Variants in COPS8 observed in about 807,000 individuals in gnomAD.
COPS8 encodes COP9 signalosome complex subunit 8.
In COPS8, 11 loss-of-function variants were observed where a neutral mutation model predicts 31.5. The observed-to-expected ratio is 0.35, with a 90% CI of 0.22 to 0.58. The LOEUF (loss-of-function observed/expected upper bound fraction) is 0.58, where lower values mean the gene tolerates loss of function less well. Among genes scored for constraint, COPS8 ranks in the 20% least tolerant of loss-of-function variants. COPS8 has a pLI of 0.83. For missense variants in COPS8, 215 were observed against 255.1 expected (o/e 0.84, Z 1.07); for synonymous variants, 81 against 89.3 (o/e 0.91, Z 0.52).
intron 1 of COPS8, chr2:237,086,708 G>A (rs944206739): frequency 5.0e-6 from 4 of 806,638 alleles, no homozygotes; most frequent in Middle Eastern, 6.4e-4. Context: ...ACGCAGCTGT[G>A]GTGATTTTCT....
rs13393478 is a variant in COPS8 at position 237,097,005 on chromosome 2, G to A, written c.550+136G>A. On this transcript the variant is annotated intron_variant, in intron 7 of 7. Coordinates refer to ENST00000354371, the MANE Select transcript of COPS8 (RefSeq NM_006710.5). ...AACAGAGGTTAAATTTCATAAATGC[G>A]TAGTAATACATCTGGTTACAAGAGT... 0.017 allele frequency: 11,812 copies of A among 675,334 alleles called. 981 individuals carry two copies. The African/African-American group carries it at 0.18, about 10-fold the overall frequency. The allele number at this position is 675,334 out of a possible 1,614,324, so 41.8% of individuals were successfully genotyped here. A position where few individuals can be genotyped will look rare whatever the true frequency, so the allele number is the denominator to read the frequency against.
rs904467297 is a variant in COPS8 at position 237,098,091 on chromosome 2, A to G, written c.*349A>G. 1 of 179,848 alleles carries G rather than the reference A, an allele frequency of 5.6e-6. No individual in the cohort carries two copies. Among genetic ancestry groups the G allele is most frequent in the Non-Finnish European group, 1.2e-5 (1 of 84,534 alleles). 11.1% of individuals were successfully genotyped at this position (179,848 alleles called of 1,614,324 possible). ...GTCCCAGCACATGCCGTACTCTTAT[A>G]TGTACCATTGGTTGATAATTATAAT... is the stretch of plus-strand genomic sequence containing the variant. On this transcript the variant is annotated 3_prime_UTR_variant, in exon 8 of 8. Transcript: ENST00000354371.
intron 5 of COPS8, among the ~76,000 whole-genome samples, chr2:237,095,608 C>T (rs1409160028): frequency 1.3e-5 from 2 of 152,006 alleles, no homozygotes; most frequent in African/African-American, 4.8e-5. Flanking sequence ...TTATAGCAAC[C>T]TAATAGAGTA....
chr2:237,092,763 T>C (rs558508183), intron 4 of COPS8, among the ~76,000 whole-genome samples: 1 of 152,226 alleles, frequency 6.6e-6, no homozygotes, highest in Non-Finnish European at 1.5e-5. Context: ...GGAGAGGATG[T>C]CGGGCTCAGA....
At position 237,086,017 on chromosome 2, in the gene COPS8, A is replaced by G; in HGVS notation, c.53A>G (p.Asp18Gly). The G allele has an allele frequency of 6.2e-7, 1 of 1,613,800 alleles. No individual in the cohort carries two copies. Among genetic ancestry groups the G allele is most frequent in the Non-Finnish European group, 8.5e-7 (1 of 1,179,794 alleles). Residue 18 changes from aspartate to glycine, a missense_variant, in exon 1 of 8, where the codon GAT (aspartate) becomes GGT (glycine). By Grantham distance (94) the Asp-to-Gly change is moderately conservative. Transcript: ENST00000354371. ...ESAFSFKKLL[D>G]QCENQELEAP... Reference sequence around the variant, plus strand: ...GCCTTTAGTTTCAAAAAGTTGCTGGATCAGTGCGAGAACCAGGAGCTCGAG... The same window carrying G: ...GCCTTTAGTTTCAAAAAGTTGCTGGGTCAGTGCGAGAACCAGGAGCTCGAG...
At chr2:237,087,946 T>G (rs1323693082) in intron 2 of COPS8, among the ~76,000 whole-genome samples, 1 of 123,472 alleles carries the variant, frequency 8.1e-6, no homozygotes, top group Non-Finnish European at 1.7e-5. Context: ...AAGGAAAGCA[T>G]AACTGCAAAA....
chr2:237,095,267 C>T (rs997870887), intron 5 of COPS8, among the ~76,000 whole-genome samples: 5 of 152,124 alleles, frequency 3.3e-5, no homozygotes, highest in East Asian at 1.9e-4. Flanking sequence ...TGGTACCACC[C>T]GTCCCTGATG....
chr2:237,096,439 T>A (rs1574839183), intron 6 of COPS8, among the ~76,000 whole-genome samples: 1 of 152,208 alleles, frequency 6.6e-6, no homozygotes, highest in Non-Finnish European at 1.5e-5. Flanking sequence ...CTCTTCCTCC[T>A]GCTGACCAGG....
At chr2:237,095,557 T>C (rs1696784808) in intron 5 of COPS8, among the ~76,000 whole-genome samples, 1 of 152,254 alleles carries the variant, frequency 6.6e-6, no homozygotes, top group Non-Finnish European at 1.5e-5. Flanking sequence ...AGGTTAATAC[T>C]ATAATATATT....
intron 4 of COPS8, chr2:237,093,549 T>G (rs1696744181): frequency 2.8e-6 from 1 of 356,110 alleles, no homozygotes; most frequent in Non-Finnish European, 3.9e-6. Context: ...CAGTCCCTTC[T>G]TAGAGTCATT....
At chr2:237,087,028 G>A in intron 1 of COPS8, 99 bp from the exon 2 acceptor site, 4 of 731,004 alleles carry the variant, frequency 5.5e-6, no homozygotes, top group Non-Finnish European at 8.8e-6. Flanking sequence ...TTTAAAATTA[G>A]CATTTATAAA....
intron 7 of COPS8, 100 bp from the exon 8 acceptor site, chr2:237,097,563 A>C: frequency 1.4e-6 from 1 of 731,040 alleles, no homozygotes; most frequent in Non-Finnish European, 2.3e-6. Flanking sequence ...AAGTTAACTT[A>C]CTGTTAAAAA....
In COPS8 at chr2:237,097,670, T is replaced by C. The variant is rs1391534208; in HGVS notation, c.558T>C (p.Ala186=). The C allele has an allele frequency of 6.2e-7, 1 of 1,612,812 alleles. No homozygotes were observed. Among genetic ancestry groups the C allele is most frequent in the Non-Finnish European group, 8.5e-7 (1 of 1,178,994 alleles). The change falls in exon 8 of 8, where the codon GCT becomes GCC. Residue 186 remains alanine (A), a synonymous_variant. Transcript: ENST00000354371. The part of the protein sequence containing the change: ...FNKFIPLSEP[A]PVPPIPNEQQ... ...TGTTTCTTTAACATACAGAGCCTGC[T>C]CCAGTTCCCCCAATACCCAATGAAC...
Position 237,099,600 on chromosome 2 carries a change from T to C in COPS8, c.*1858T>C, listed in dbSNP as rs1244359845. On this transcript the variant is annotated 3_prime_UTR_variant, in exon 8 of 8. Transcript: ENST00000354371. ...TCTTAAATTTGACATGGAAACCTCA[T>C]TATATGCTTTATTTTTCTTTGTAAA... The C allele has an allele frequency of 6.6e-6, 1 of 152,190 alleles. No homozygotes were observed. The highest frequency in any genetic ancestry group is 6.5e-5 in the Admixed American group (1 of 15,282). 9.4% of individuals were successfully genotyped at this position (152,190 alleles called of 1,614,324 possible).
In COPS8 at chr2:237,099,490, GATTA is replaced by G. The variant is rs1399893820; in HGVS notation, c.*1752_*1755del. On this transcript the variant is annotated 3_prime_UTR_variant, in exon 8 of 8. Coordinates refer to ENST00000354371, the MANE Select transcript of COPS8 (RefSeq NM_006710.5). Reference sequence around the variant, plus strand: ...TAGACTAATGAATGTGGTTTTTCATGATTAATTTCACAAAATCTTGATATCTTTT... The same window carrying G: ...TAGACTAATGAATGTGGTTTTTCATGATTTCACAAAATCTTGATATCTTTT... 3.3e-5 allele frequency: 5 copies of G among 152,078 alleles called. No homozygotes were observed. Among genetic ancestry groups the G allele is most frequent in the Admixed American group, 1.3e-4 (2 of 15,286 alleles). The allele number at this position is 152,078 out of a possible 1,614,324, so 9.4% of individuals were successfully genotyped here.
intron 2 of COPS8, among the ~76,000 whole-genome samples, chr2:237,087,759 C>T (rs1016869762): frequency 7.0e-4 from 106 of 152,148 alleles, no homozygotes; most frequent in African/African-American, 2.5e-3. Context: ...AGTGAAACCC[C>T]GTCTGTCCTA....
chr2:237,095,607 C>A (rs1029794684), intron 5 of COPS8, among the ~76,000 whole-genome samples: 1 of 151,984 alleles, frequency 6.6e-6, no homozygotes, highest in Non-Finnish European at 1.5e-5. Flanking sequence ...ATTATAGCAA[C>A]CTAATAGAGT....
At chr2:237,092,833 G>A (rs1696730520) in intron 4 of COPS8, among the ~76,000 whole-genome samples, 1 of 152,192 alleles carries the variant, frequency 6.6e-6, no homozygotes, top group Non-Finnish European at 1.5e-5. Flanking sequence ...CAAAGCCTAA[G>A]TGTTGGAGTC....
rs1229306331 is a variant in COPS8 at position 237,091,048 on chromosome 2, GGCCATGT to G, written c.331+1058_331+1064del. Among the ~76,000 whole-genome samples, 3 of 152,304 alleles carry G rather than the reference GGCCATGT, an allele frequency of 2.0e-5. No homozygotes were observed. In the East Asian group the frequency reaches 5.8e-4, roughly 29 times the overall value. On this transcript the variant is annotated intron_variant, in intron 4 of 7. Transcript: ENST00000354371. ...TTGTGATTGTGGTGGGGCGGTCACA[GGCCATGT>G]GCCTTTTCCCAGTGTTTTACAGCGG...
Sources: gnomAD v4.1 joint callset for allele counts (sites outside exome capture counted in the v4.1 genomes callset) on GRCh38, gnomAD v4.1.1 for gene constraint, MANE v1.5 for transcripts, NCBI Gene and HGNC (gene_info 2026-07-23, HGNC 2026-07-21) for gene names.